PNPT1: variants seen among roughly 807,000 people sequenced by gnomAD.
The protein encoded by PNPT1 is polyribonucleotide nucleotidyltransferase 1.
A neutral mutation model predicts 119.5 loss-of-function variants in PNPT1; 53 were observed. The observed-to-expected ratio is 0.44, with a 90% CI of 0.36 to 0.56. PNPT1 has a LOEUF of 0.56. Ranked by LOEUF, PNPT1 falls within the 20% of genes least tolerant of loss-of-function variation. The pLI is 0.00. For synonymous variants in PNPT1, 357 were observed against 322.1 expected, an observed-to-expected ratio of 1.11 and a Z score of -1.16; for missense variants, 948 against 938.5, an observed-to-expected ratio of 1.01 and a Z score of -0.13.
At position 55,635,405 on chromosome 2, in the gene PNPT1, C is replaced by T. The variant is rs1695637607; in HGVS notation, c.*832G>A. On this transcript the variant is annotated 3_prime_UTR_variant, in exon 28 of 28. Transcript: ENST00000447944. ...TCTCGGCTCACTACAACCTCCACCT[C>T]CTGGGTTGAAGTGATTCTTCTGCCT... 1 of 151,948 alleles carries T rather than the reference C, an allele frequency of 6.6e-6. No homozygotes were observed. The highest frequency in any genetic ancestry group is 2.4e-5 in the African/African-American group (1 of 41,358). 9.4% of individuals were successfully genotyped at this position (151,948 alleles called of 1,614,324 possible).
At chr2:55,675,499 T>C (rs1281077359) in intron 8 of PNPT1, among the ~76,000 whole-genome samples, 1 of 152,182 alleles carries the variant, frequency 6.6e-6, no homozygotes, top group Non-Finnish European at 1.5e-5. Context: ...TTTTCACTCA[T>C]TAAACTTTAA....
intron 22 of PNPT1, 124 bp from the exon 23 acceptor site, chr2:55,644,844 A>T (rs1695936234): frequency 1.9e-6 from 1 of 518,914 alleles, no homozygotes; most frequent in African/African-American, 2.0e-5. Context: ...TTTTACTATA[A>T]AACAGAAAAG....
intron 1 of PNPT1, among the ~76,000 whole-genome samples, chr2:55,692,619 T>A (rs1361682550): frequency 6.6e-6 from 1 of 152,192 alleles, no homozygotes; most frequent in Non-Finnish European, 1.5e-5. Context: ...TTTTATAGAC[T>A]CTTAGAAAGT....
At position 55,679,724 on chromosome 2, in the gene PNPT1, T is replaced by C; in HGVS notation, c.637A>G (p.Thr213Ala). Residue 213 changes from threonine to alanine, a missense_variant, in exon 8 of 28, where the codon ACT (threonine) becomes GCT (alanine). Thr to Ala is a moderately conservative substitution (Grantham distance 58, BLOSUM62 0). Transcript: ENST00000447944. ...GCTCCAGCAACCACTAAATTTAAAGTACTAGAAGACATTTCTTTTCTTGTT... is the reference window on the plus strand; with the variant it reads ...GCTCCAGCAACCACTAAATTTAAAGCACTAGAAGACATTTCTTTTCTTGTT... Reference protein sequence around the residue: ...NPTRKEMSSSTLNLVVAGAPK... With the variant: ...NPTRKEMSSSALNLVVAGAPK... The C allele has an allele frequency of 6.2e-7, 1 of 1,612,728 alleles. No homozygotes were observed. The highest frequency in any genetic ancestry group is 8.5e-7 in the Non-Finnish European group (1 of 1,179,228).
At chr2:55,643,240 T>G in intron 24 of PNPT1, 27 bp from the exon 25 acceptor site, 1 of 1,614,056 alleles carries the variant, frequency 6.2e-7, no homozygotes, top group Non-Finnish European at 8.5e-7. Flanking sequence ...AGCCATAAGA[T>G]TCATAAAGAA....
chr2:55,655,570 T>G (rs1437332605), intron 17 of PNPT1, among the ~76,000 whole-genome samples: 1 of 152,258 alleles, frequency 6.6e-6, no homozygotes, highest in Non-Finnish European at 1.5e-5. Flanking sequence ...TCACACCCAG[T>G]AGAGAACCAC....
Position 55,680,709 on chromosome 2 carries a change from T to C in PNPT1, c.565+3A>G, listed in dbSNP as rs533358320. The C allele has an allele frequency of 6.2e-7, 1 of 1,611,222 alleles. No individual in the cohort carries two copies. Among genetic ancestry groups the C allele is most frequent in the African/African-American group, 1.3e-5 (1 of 74,862 alleles). ...GATTTCTTACTTTTAAATCCTAACT[T>C]ACCAACAGGTCCATTCCAAGGAATA... On this transcript the variant is annotated splice_donor_region_variant and intron_variant, in intron 7 of 27. Coordinates refer to ENST00000447944, the MANE Select transcript of PNPT1 (RefSeq NM_033109.5).
At chr2:55,641,396 G>T (rs1695830930) in intron 25 of PNPT1, among the ~76,000 whole-genome samples, 1 of 148,956 alleles carries the variant, frequency 6.7e-6, no homozygotes, top group African/African-American at 2.5e-5. Context: ...AGTCTCCCAA[G>T]CAGCTGGGAT....
At chr2:55,692,841 A>G (rs528921461) in intron 1 of PNPT1, among the ~76,000 whole-genome samples, 94 of 152,240 alleles carry the variant, frequency 6.2e-4, no homozygotes, top group African/African-American at 2.1e-3. Context: ...ACTTCAAGTC[A>G]TCCTTCCGTC....
rs1012606404 is a variant in PNPT1, at chr2:55,652,934, G to A, written c.1495+1966C>T. ...ACGATCTTGGCTCACTGCAGCCTCC[G>A]CCTCCTGGGTTAAAGTGATTCTCTT... On this transcript the variant is annotated intron_variant, in intron 18 of 27. Transcript: ENST00000447944. Among the ~76,000 whole-genome samples the A allele has an allele frequency of 1.1e-4, 16 of 152,238 alleles. 1 individual carries two copies. The South Asian group carries it at 2.1e-3, about 20-fold the overall frequency.
At chr2:55,677,686 T>C (rs1231495672) in intron 8 of PNPT1, among the ~76,000 whole-genome samples, 1 of 149,642 alleles carries the variant, frequency 6.7e-6, no homozygotes, top group African/African-American at 2.5e-5. Flanking sequence ...CTAAGGTAGA[T>C]AGTGGCTATA....
intron 1 of PNPT1, among the ~76,000 whole-genome samples, chr2:55,688,101 T>G (rs1402715678): frequency 6.6e-6 from 1 of 151,766 alleles, no homozygotes; most frequent in East Asian, 1.9e-4. Flanking sequence ...TGGAATGCAG[T>G]GGCACAATTA....
At chr2:55,685,490 T>C (rs1391840203) in intron 3 of PNPT1, among the ~76,000 whole-genome samples, 1 of 151,894 alleles carries the variant, frequency 6.6e-6, no homozygotes, top group African/African-American at 2.4e-5. Context: ...ATCACACCAC[T>C]GAACAACTCT....
Position 55,656,371 on chromosome 2 carries a change from A to G in PNPT1, c.1285T>C (p.Phe429Leu). Residue 429 changes from phenylalanine to leucine, a missense_variant and splice_region_variant, in exon 16 of 28, where the codon TTT (phenylalanine) becomes CTT (leucine). Physicochemically the swap from Phe to Leu is conservative, Grantham distance 22. Transcript: ENST00000447944. ...KDKNFMLHYE[F>L]PPYATNEIGK... The stretch of plus-strand genomic sequence containing the variant: ...ATTTCATTAGTTGCATAAGGAGGAA[A>G]CTTAAAAAAAAAAAAACACAAACAC... 6.3e-7 allele frequency: 1 copy of G among 1,596,020 alleles called. No homozygotes were observed. The highest frequency in any genetic ancestry group is 8.5e-7 in the Non-Finnish European group (1 of 1,173,988).
At position 55,640,693 on chromosome 2, in the gene PNPT1, T is replaced by A. The variant is rs1357034562; in HGVS notation, c.2082A>T (p.Val694=). 1 of 1,573,996 alleles carries A rather than the reference T, an allele frequency of 6.4e-7. No homozygotes were observed. The highest frequency in any genetic ancestry group is 8.7e-7 in the Non-Finnish European group (1 of 1,145,568). The change falls in exon 26 of 28, where the codon GTA becomes GTT. Residue 694 remains valine, a synonymous_variant. Coordinates refer to ENST00000447944, the MANE Select transcript of PNPT1 (RefSeq NM_033109.5). ...TCATATTTGGATATAATTTTACCAT[T>A]ACACCAGTATCTCTACAAAAAAATA... ...ATITEIRDTG[V]MVKLYPNMTA...
At chr2:55,670,141 T>G (rs948159032) in intron 11 of PNPT1, among the ~76,000 whole-genome samples, 1 of 151,994 alleles carries the variant, frequency 6.6e-6, no homozygotes, top group Non-Finnish European at 1.5e-5. Context: ...CATACTTCAT[T>G]TATATTCAGT....
chr2:55,693,551 G>C, intron 1 of PNPT1, 112 bp downstream of exon 1: 3 of 1,453,480 alleles, frequency 2.1e-6, no homozygotes, highest in Non-Finnish European at 2.8e-6. Context: ...TTAGGGTAAG[G>C]AGAGATTAAA....
In PNPT1 at chr2:55,643,420, T is replaced by C. The variant is rs1477119169; in HGVS notation, c.1912A>G (p.Thr638Ala). 6.2e-7 allele frequency: 1 copy of C among 1,613,508 alleles called. No homozygotes were observed. Among genetic ancestry groups the C allele is most frequent in the Non-Finnish European group, 8.5e-7 (1 of 1,179,874 alleles). ...LKKLQAETGV[T>A]ISQVDEETFS... ...GTTTCTTCATCCACCTGACTAATAGTTACACCTTTTAAAAACAAAATGTAA... is the reference window on the plus strand; with the variant it reads ...GTTTCTTCATCCACCTGACTAATAGCTACACCTTTTAAAAACAAAATGTAA... Residue 638 changes from threonine (T) to alanine (A), a missense_variant, in exon 24 of 28, where the codon ACT becomes GCT. Thr to Ala is a moderately conservative substitution (Grantham distance 58, BLOSUM62 0). Transcript: ENST00000447944.
At chr2:55,645,118 G>T in intron 22 of PNPT1, 1 of 321,646 alleles carries the variant, frequency 3.1e-6, no homozygotes, top group East Asian at 6.2e-5. Flanking sequence ...CCGCCTCCCG[G>T]GTTCATGCCA....
Sources: allele counts gnomAD v4.1 joint callset (sites outside exome capture counted in the v4.1 genomes callset), GRCh38; gene constraint gnomAD v4.1.1; transcripts MANE v1.5; gene names NCBI Gene and HGNC (gene_info 2026-07-23, HGNC 2026-07-21).